The following INSR variants were observed in gnomAD, a reference collection of about 807,000 sequenced individuals.
INSR encodes the protein insulin receptor.
In INSR, 67 loss-of-function variants were observed where a neutral mutation model predicts 142.6. The ratio of observed to expected loss-of-function variants is 0.47; its 90% CI spans 0.39 to 0.58. The LOEUF is 0.58. INSR is among the 20% of genes least tolerant of loss of function. The pLI is 0.00. For synonymous variants in INSR, 756 were observed against 743.1 expected (o/e 1.02, Z -0.28); for missense variants, 1,248 against 1,833.2 (o/e 0.68, Z 5.83).
chr19:7,267,943 G>A lies in INSR; in HGVS notation c.101-47C>T, dbSNP rs1243948782. 12 of 1,495,046 alleles carry A rather than the reference G, an allele frequency of 8.0e-6. No individual in the cohort carries two copies. The highest frequency in any genetic ancestry group is 1.8e-5 in the Admixed American group (1 of 55,420). The allele number at this position is 1,495,046 out of a possible 1,614,324, so 92.6% of individuals were successfully genotyped here. On this transcript the variant is annotated intron_variant, in intron 1 of 21. Coordinates refer to ENST00000302850, the MANE Select transcript of INSR (RefSeq NM_000208.4). This position sits in a 1 kb window ranked among gnomAD's most constrained non-coding sequence, Gnocchi z 6.3. ...AAGCAAGACAGGTGAGCAGACGCACGGTGGATGCATCAGAAGGATCAGGGG... is the reference window on the plus strand; with the variant it reads ...AAGCAAGACAGGTGAGCAGACGCACAGTGGATGCATCAGAAGGATCAGGGG...
intron 2 of INSR, among the ~76,000 whole-genome samples, chr19:7,241,955 G>C (rs563163413): frequency 1.3e-5 from 2 of 151,840 alleles, no homozygotes; most frequent in South Asian, 2.1e-4. Flanking sequence ...TCAGGAGTTC[G>C]GGACTGGCCA....
At chr19:7,231,301 T>TTG (rs1975968538) in intron 2 of INSR, among the ~76,000 whole-genome samples, 1 of 101,112 alleles carries the variant, frequency 9.9e-6, no homozygotes, top group African/African-American at 2.8e-5. Context: ...TTTTGTTTTT[T>TTG]TTTTTTTTTT....
At chr19:7,142,669 G>T (rs1244873236) in intron 12 of INSR, 147 bp downstream of exon 12, 6 of 959,916 alleles carry the variant, frequency 6.3e-6, no homozygotes, top group Non-Finnish European at 9.5e-6. Flanking sequence ...CTCCAGCCTG[G>T]GCGACAGAGC....
At chr19:7,259,348 G>A (rs1362518883) in intron 2 of INSR, among the ~76,000 whole-genome samples, 2 of 152,042 alleles carry the variant, frequency 1.3e-5, no homozygotes, top group African/African-American at 4.8e-5. Flanking sequence ...GGTGCGCGGC[G>A]GAAGGGGTGG....
chr19:7,200,390 C>T (rs532848448), intron 2 of INSR, among the ~76,000 whole-genome samples: 3 of 152,244 alleles, frequency 2.0e-5, no homozygotes, highest in African/African-American at 7.2e-5. Context: ...AAGACAGGTG[C>T]TCACATGTGG....
chr19:7,143,922 G>A (rs1973130752), intron 11 of INSR, among the ~76,000 whole-genome samples: 1 of 151,706 alleles, frequency 6.6e-6, no homozygotes, highest in South Asian at 2.1e-4. Context: ...GAGCCTGATG[G>A]TGCACAGCTT....
chr19:7,146,050 T>C (rs1973177194), intron 11 of INSR, among the ~76,000 whole-genome samples: 1 of 152,176 alleles, frequency 6.6e-6, no homozygotes, highest in Admixed American at 6.6e-5. Context: ...GAAACAGATA[T>C]GATCTTCCTT....
chr19:7,189,964 G>A (rs999779975), intron 2 of INSR, among the ~76,000 whole-genome samples: 4 of 151,658 alleles, frequency 2.6e-5, no homozygotes, highest in African/African-American at 7.3e-5. Flanking sequence ...ACGCCTGGCC[G>A]ATTTTACTAT....
chr19:7,118,914 CAAAAAAAAAA>C (rs59739401), intron 21 of INSR, among the ~76,000 whole-genome samples: 3 of 68,896 alleles, frequency 4.4e-5, no homozygotes, highest in Non-Finnish European at 8.1e-5. Flanking sequence ...GATTCCGTCT[CAAAAAAAAAA>C]AAAAAAAAAA....
At position 7,264,476 on chromosome 19, in the gene INSR, T is replaced by C. The variant is rs563034087; in HGVS notation, c.652+2869A>G. 1.6e-4 allele frequency among the ~76,000 whole-genome samples: 25 copies of C among 151,960 alleles called. No homozygotes were observed. In the South Asian group the frequency reaches 5.2e-3, roughly 32 times the overall value. Reference sequence around the variant, plus strand: ...ATTCATAGAGGAATGTCTTAAATTATATCTCAAGATAGGTAGGCCTAGAGC... The same window carrying C: ...ATTCATAGAGGAATGTCTTAAATTACATCTCAAGATAGGTAGGCCTAGAGC... On this transcript the variant is annotated intron_variant, in intron 2 of 21. Coordinates refer to ENST00000302850, the MANE Select transcript of INSR (RefSeq NM_000208.4).
chr19:7,182,825 T>G (rs1163593167), intron 3 of INSR, among the ~76,000 whole-genome samples: 2 of 151,962 alleles, frequency 1.3e-5, no homozygotes, highest in Admixed American at 6.6e-5. Flanking sequence ...AACCCATTTT[T>G]TTTATTTCAA....
chr19:7,255,895 T>C (rs532116630), intron 2 of INSR, among the ~76,000 whole-genome samples: 3 of 152,124 alleles, frequency 2.0e-5, no homozygotes, highest in Non-Finnish European at 2.9e-5. Context: ...TCTTTCTTTG[T>C]GATCCTTGCC....
chr19:7,247,595 T>C (rs1976575471), intron 2 of INSR, among the ~76,000 whole-genome samples: 1 of 152,198 alleles, frequency 6.6e-6, no homozygotes, highest in South Asian at 2.1e-4. Flanking sequence ...TGGATTTTTA[T>C]TTTTATCGAA....
At chr19:7,160,428 T>A (rs921159900) in intron 9 of INSR, among the ~76,000 whole-genome samples, 7 of 151,338 alleles carry the variant, frequency 4.6e-5, no homozygotes, top group Non-Finnish European at 2.9e-5. Context: ...ATTACAGGCA[T>A]GAGCCACTGT....
At chr19:7,154,974 T>C (rs1973552488) in intron 9 of INSR, among the ~76,000 whole-genome samples, 1 of 151,996 alleles carries the variant, frequency 6.6e-6, no homozygotes, top group African/African-American at 2.4e-5. Flanking sequence ...CTGAAGATTA[T>C]AAGGTAACCA....
At chr19:7,268,505 C>T (rs1211969361) in intron 1 of INSR, 1 of 985,204 alleles carries the variant, frequency 1.0e-6, no homozygotes. Flanking sequence ...TCCCAGGCCC[C>T]AACGCCCACC....
chr19:7,181,917 GA>G (rs1974284390), intron 3 of INSR, among the ~76,000 whole-genome samples: 1 of 151,922 alleles, frequency 6.6e-6, no homozygotes, highest in South Asian at 2.1e-4. Flanking sequence ...ACTCTGCTCT[GA>G]AAACATCAAG....
At chr19:7,279,985 G>T (rs1968161615) in intron 1 of INSR, among the ~76,000 whole-genome samples, 1 of 151,680 alleles carries the variant, frequency 6.6e-6, no homozygotes, top group Admixed American at 6.6e-5. Context: ...ACAAAACAAG[G>T]CCAGGCACGG....
rs1487575703 is a variant in INSR at position 7,216,972 on chromosome 19, C to A, written c.653-32335G>T. On this transcript the variant is annotated intron_variant, in intron 2 of 21. Transcript: ENST00000302850. This position sits in a 1 kb window ranked among gnomAD's most constrained non-coding sequence, Gnocchi z 4.2. ...GAATATAGATGTGTGCCACCAAGCC[C>A]AGCTAATTTTTCTTCTTCTTCTTCT... is the stretch of plus-strand genomic sequence containing the variant. Among the ~76,000 whole-genome samples the A allele has an allele frequency of 6.7e-6, 1 of 149,576 alleles. No homozygotes were observed. Among genetic ancestry groups the A allele is most frequent in the Non-Finnish European group, 1.5e-5 (1 of 67,672 alleles).
Sources: allele counts gnomAD v4.1 joint callset (sites outside exome capture counted in the v4.1 genomes callset), GRCh38; gene constraint gnomAD v4.1.1; non-coding constraint Gnocchi (gnomAD v3.1); transcripts MANE v1.5; gene names NCBI Gene and HGNC (gene_info 2026-07-23, HGNC 2026-07-21).